CFAP90: variants seen among roughly 807,000 people sequenced by gnomAD.
The protein encoded by CFAP90 is cilia and flagella associated protein 90, also known as cilia- and flagella-associated protein 90.
At chr5:7,851,132 C>T in the CFAP90 span, 1 of 1,199,350 alleles carries the variant, frequency 8.3e-7, no homozygotes, top group Admixed American at 4.2e-5. Context: ...TAGCCCGCGT[C>T]TGTGTTCGGT....
At chr5:7,843,981 A>G in the CFAP90 span, among the ~76,000 whole-genome samples, 2 of 152,096 alleles carry the variant, frequency 1.3e-5, no homozygotes, top group African/African-American at 2.4e-5. Context: ...AGGAGTTTTG[A>G]TTCATTGGAA....
the CFAP90 span, among the ~76,000 whole-genome samples, chr5:7,835,183 A>G: frequency 3.3e-5 from 5 of 152,344 alleles, no homozygotes; most frequent in African/African-American, 1.2e-4. Context: ...ATGCTGACAC[A>G]GAGATAGGAA....
the CFAP90 span, among the ~76,000 whole-genome samples, chr5:7,836,231 T>G: frequency 6.6e-6 from 1 of 152,196 alleles, no homozygotes; most frequent in South Asian, 2.1e-4. Flanking sequence ...TATATATGTG[T>G]GTACTTTTCC....
the CFAP90 span, among the ~76,000 whole-genome samples, chr5:7,843,306 C>T: frequency 2.6e-5 from 4 of 152,082 alleles, no homozygotes; most frequent in South Asian, 2.1e-4. Flanking sequence ...CTGTTGCTTG[C>T]GAAGGACACA....
chr5:7,849,331 C>A, the CFAP90 span, among the ~76,000 whole-genome samples: 3 of 152,036 alleles, frequency 2.0e-5, no homozygotes, highest in Admixed American at 1.3e-4. Flanking sequence ...ATGGTGGGGG[C>A]AGGAGGTGGG....
At chr5:7,832,567 AAC>A in the CFAP90 span, among the ~76,000 whole-genome samples, 1 of 152,054 alleles carries the variant, frequency 6.6e-6, no homozygotes, top group Non-Finnish European at 1.5e-5. Flanking sequence ...CAATGGTTGC[AAC>A]CTCTGCCTCC....
the CFAP90 span, chr5:7,850,757 C>A: frequency 9.7e-7 from 1 of 1,030,964 alleles, no homozygotes; most frequent in Non-Finnish European, 1.2e-6. Flanking sequence ...GATCCCTTCT[C>A]CCCCGCCCCT....
the CFAP90 span, chr5:7,850,789 CAG>C: frequency 9.4e-4 from 2 of 2,136 alleles, no homozygotes; most frequent in African/African-American, 6.9e-3. Flanking sequence ...CGCCCCTGCC[CAG>C]CCGCCCAGCC....
the CFAP90 span, among the ~76,000 whole-genome samples, chr5:7,847,895 C>G: frequency 6.6e-6 from 1 of 152,126 alleles, no homozygotes; most frequent in Admixed American, 6.5e-5. Context: ...TTCCTGGTGC[C>G]CCCATCTTAT....
the CFAP90 span, among the ~76,000 whole-genome samples, chr5:7,843,766 C>T: frequency 6.6e-6 from 1 of 152,142 alleles, no homozygotes; most frequent in Non-Finnish European, 1.5e-5. Context: ...AATGTTGTCT[C>T]TTTTCTTGTG....
chr5:7,831,628 C>G, the CFAP90 span: 2 of 474,654 alleles, frequency 4.2e-6, no homozygotes, highest in South Asian at 8.9e-5. Flanking sequence ...ATCAGAGACT[C>G]TTCACATGTA....
chr5:7,848,052 C>A, the CFAP90 span, among the ~76,000 whole-genome samples: 1 of 152,306 alleles, frequency 6.6e-6, no homozygotes, highest in Admixed American at 6.5e-5. Flanking sequence ...TCATGCGGTG[C>A]ATTACTGCTA....
the CFAP90 span, among the ~76,000 whole-genome samples, chr5:7,837,244 C>T: frequency 5.9e-5 from 9 of 151,942 alleles, no homozygotes; most frequent in African/African-American, 9.7e-5. Context: ...GAAAATCTTC[C>T]TTGTTCGGTA....
the CFAP90 span, chr5:7,830,591 A>C: frequency 6.6e-6 from 1 of 152,222 alleles, no homozygotes; most frequent in Non-Finnish European, 1.5e-5. Context: ...TACACTGAAA[A>C]ACTGTTTTCA....
the CFAP90 span, among the ~76,000 whole-genome samples, chr5:7,840,349 T>C: frequency 1.1e-3 from 170 of 152,146 alleles, 1 homozygote; most frequent in African/African-American, 3.9e-3. Context: ...AGGCCTCCAG[T>C]TTTCAACCTC....
At chr5:7,835,713 C>A in the CFAP90 span, among the ~76,000 whole-genome samples, 1 of 151,960 alleles carries the variant, frequency 6.6e-6, no homozygotes, top group African/African-American at 2.4e-5. Flanking sequence ...GCTGAGAGGC[C>A]CAGTATGAAG....
the CFAP90 span, chr5:7,835,502 G>GA: frequency 6.7e-7 from 1 of 1,490,214 alleles, no homozygotes; most frequent in Non-Finnish European, 9.1e-7. Flanking sequence ...TTCCTGTCTA[G>GA]GAAAAAAAAG....
the CFAP90 span, among the ~76,000 whole-genome samples, chr5:7,845,124 G>T: frequency 2.0e-5 from 3 of 152,122 alleles, no homozygotes; most frequent in Non-Finnish European, 4.4e-5. Flanking sequence ...CAGAGAGAGA[G>T]CAAAGAGGGA....
At chr5:7,850,885 C>A in the CFAP90 span, 2 of 1,331,138 alleles carry the variant, frequency 1.5e-6, no homozygotes, top group East Asian at 2.8e-5. Context: ...CCGCGCCGGG[C>A]GGTAGTAGTA....
Sources: allele counts gnomAD v4.1 joint callset (sites outside exome capture counted in the v4.1 genomes callset), GRCh38; gene constraint gnomAD v4.1.1; transcripts MANE v1.5; gene names NCBI Gene and HGNC (gene_info 2026-07-23, HGNC 2026-07-21).